Variants in CRIM1 observed in about 807,000 individuals in gnomAD.
CRIM1 encodes cysteine-rich motor neuron 1 protein.
A neutral mutation model predicts 116.4 loss-of-function variants in CRIM1; 32 were observed. That is an observed-to-expected ratio of 0.27 (90% CI 0.21 to 0.37). The LOEUF is 0.37. Among genes scored for constraint, CRIM1 ranks in the 10% least tolerant of loss-of-function variants. The pLI is 1.00. For synonymous variants in CRIM1, 590 were observed against 509.2 expected, an observed-to-expected ratio of 1.16 and a Z score of -2.13; for missense variants, 1,331 against 1,354.8, an observed-to-expected ratio of 0.98 and a Z score of 0.28.
intron 1 of CRIM1, among the ~76,000 whole-genome samples, chr2:36,394,335 C>T (rs1001632102): frequency 6.6e-6 from 1 of 152,136 alleles, no homozygotes; most frequent in South Asian, 2.1e-4. Flanking sequence ...AAAATTCCTT[C>T]ATGGCAAATC....
chr2:36,434,085 T>C lies in CRIM1; in HGVS notation c.506-7173T>C, dbSNP rs549099743. On this transcript the variant is annotated intron_variant, in intron 2 of 16. Coordinates refer to ENST00000280527, the MANE Select transcript of CRIM1 (RefSeq NM_016441.3). Reference sequence around the variant, plus strand: ...GCCAAAAAAGGTTATGATAAAATCATGGAATGTGTATGAAAAGAATTCACA... The same window carrying C: ...GCCAAAAAAGGTTATGATAAAATCACGGAATGTGTATGAAAAGAATTCACA... Among the ~76,000 whole-genome samples the C allele has an allele frequency of 2.6e-5, 4 of 152,350 alleles. No individual in the cohort carries two copies. In the East Asian group the frequency reaches 7.7e-4, roughly 29 times the overall value.
At chr2:36,375,520 T>G (rs1376771691) in intron 1 of CRIM1, among the ~76,000 whole-genome samples, 1 of 152,218 alleles carries the variant, frequency 6.6e-6, no homozygotes, top group Admixed American at 6.5e-5. Context: ...TAAGTGCTCT[T>G]TAGATTAGCA....
intron 13 of CRIM1, among the ~76,000 whole-genome samples, chr2:36,523,766 C>T (rs140352291): frequency 7.8e-4 from 119 of 152,294 alleles, no homozygotes; most frequent in Middle Eastern, 6.8e-3. Context: ...GATCTGGCTA[C>T]ACAGTTTTGT....
chr2:36,380,908 A>G (rs1419870859), intron 1 of CRIM1, among the ~76,000 whole-genome samples: 2 of 152,198 alleles, frequency 1.3e-5, no homozygotes, highest in East Asian at 1.9e-4. Context: ...TATCTCGACC[A>G]TGTCTGCAGT....
At chr2:36,379,036 C>T (rs1198456216) in intron 1 of CRIM1, 1 of 152,172 alleles carries the variant, frequency 6.6e-6, no homozygotes, top group Non-Finnish European at 1.5e-5. Flanking sequence ...GAGCTTTCAG[C>T]TAACATACAC....
chr2:36,381,517 AG>A (rs1246274364), intron 1 of CRIM1, among the ~76,000 whole-genome samples: 1 of 152,222 alleles, frequency 6.6e-6, no homozygotes, highest in Non-Finnish European at 1.5e-5. Context: ...CAATTGTAGT[AG>A]GAGAGGACAA....
At chr2:36,511,117 T>G (rs1298054551) in intron 9 of CRIM1, among the ~76,000 whole-genome samples, 1 of 152,068 alleles carries the variant, frequency 6.6e-6, no homozygotes, top group Non-Finnish European at 1.5e-5. Context: ...AATTTTTGTA[T>G]TTTTTGGAGA....
intron 7 of CRIM1, among the ~76,000 whole-genome samples, chr2:36,498,077 G>C (rs906110832): frequency 5.3e-5 from 8 of 152,150 alleles, no homozygotes; most frequent in African/African-American, 1.9e-4. Context: ...TCTATACTCA[G>C]CTCTTTCACA....
chr2:36,367,456 A>C (rs2148294370), intron 1 of CRIM1, among the ~76,000 whole-genome samples: 3 of 152,348 alleles, frequency 2.0e-5, no homozygotes, highest in East Asian at 3.9e-4. Flanking sequence ...CAGTGACTTA[A>C]ATAAAACCCT....
chr2:36,482,325 A>G (rs1679483146), intron 7 of CRIM1, among the ~76,000 whole-genome samples: 1 of 151,478 alleles, frequency 6.6e-6, no homozygotes, highest in East Asian at 1.9e-4. Context: ...TATTAATAAT[A>G]AGAACACAGA....
At chr2:36,359,361 T>C (rs1669068806) in intron 1 of CRIM1, among the ~76,000 whole-genome samples, 1 of 152,246 alleles carries the variant, frequency 6.6e-6, no homozygotes, top group Non-Finnish European at 1.5e-5. Context: ...TTATATTCTC[T>C]GTTTGCCAAC....
intron 12 of CRIM1, among the ~76,000 whole-genome samples, chr2:36,519,929 A>G (rs1297862711): frequency 6.6e-6 from 1 of 151,874 alleles, no homozygotes; most frequent in Non-Finnish European, 1.5e-5. Flanking sequence ...TAGAAAATAG[A>G]AAAAAGGAAA....
At chr2:36,410,989 TTC>T (rs1437563823) in intron 2 of CRIM1, among the ~76,000 whole-genome samples, 7 of 152,248 alleles carry the variant, frequency 4.6e-5, no homozygotes, top group Non-Finnish European at 1.0e-4. Context: ...AATTCTCATA[TTC>T]TCAGTCGTGT....
At chr2:36,370,772 G>C (rs1016271541) in intron 1 of CRIM1, among the ~76,000 whole-genome samples, 3 of 152,060 alleles carry the variant, frequency 2.0e-5, no homozygotes, top group African/African-American at 4.8e-5. Context: ...AGTTAAGAAG[G>C]AACAGTGAAC....
chr2:36,356,539 A>C lies in CRIM1; in HGVS notation c.247A>C (p.Thr83Pro), dbSNP rs1187728232. 1 of 1,612,682 alleles carries C rather than the reference A, an allele frequency of 6.2e-7. No homozygotes were observed. The highest frequency in any genetic ancestry group is 2.2e-5 in the East Asian group (1 of 44,820). ...CGGCGGCACCTTCGGGATTTACGGA[A>C]CCTGCGACCGGGGGCTGCGTTGTGT... ...SCGGTFGIYG[T>P]CDRGLRCVIR... The change falls in exon 1 of 17, where the codon ACC (threonine) becomes CCC (proline). Residue 83 changes from threonine (T) to proline (P), a missense_variant. This residue lies in a region of CRIM1 where 690 missense variants were observed against 676.0 expected (regional missense o/e 1.02). Coordinates refer to ENST00000280527, the MANE Select transcript of CRIM1 (RefSeq NM_016441.3). The surrounding 1 kb of genome is among the most constrained non-coding windows in gnomAD (Gnocchi z 4.3).
At chr2:36,395,603 G>A (rs1671964848) in intron 1 of CRIM1, among the ~76,000 whole-genome samples, 1 of 152,088 alleles carries the variant, frequency 6.6e-6, no homozygotes, top group African/African-American at 2.4e-5. Context: ...GCATTTTTTG[G>A]AGCTGAGTCC....
chr2:36,437,712 G>A (rs913381501), intron 2 of CRIM1, among the ~76,000 whole-genome samples: 1 of 152,116 alleles, frequency 6.6e-6, no homozygotes, highest in African/African-American at 2.4e-5. Context: ...CTGTGTCTTT[G>A]GTAGCCTACC....
rs1679018496 is a variant in CRIM1, at chr2:36,476,926, T to C, written c.1029T>C (p.Tyr343=). 6.2e-7 allele frequency: 1 copy of C among 1,613,942 alleles called. No individual in the cohort carries two copies. Among genetic ancestry groups the C allele is most frequent in the Non-Finnish European group, 8.5e-7 (1 of 1,179,980 alleles). ...CCTGCGTATTTAACAATGTGGAATATTATGATGGAGACATGTTTCGAATGG... is the reference window on the plus strand; with the variant it reads ...CCTGCGTATTTAACAATGTGGAATACTATGATGGAGACATGTTTCGAATGG... ...KPACVFNNVE[Y]YDGDMFRMDN... Residue 343 remains tyrosine (Y), a synonymous_variant, in exon 6 of 17, where the codon TAT becomes TAC. Coordinates refer to ENST00000280527, the MANE Select transcript of CRIM1 (RefSeq NM_016441.3).
chr2:36,367,931 A>G (rs528192656), intron 1 of CRIM1, among the ~76,000 whole-genome samples: 19 of 152,252 alleles, frequency 1.2e-4, no homozygotes, highest in Non-Finnish European at 2.2e-4. Context: ...TATTAAGACT[A>G]TGAGGTAGGT....
Sources: allele counts gnomAD v4.1 joint callset (sites outside exome capture counted in the v4.1 genomes callset), GRCh38; gene constraint gnomAD v4.1.1; regional missense constraint gnomAD v4.1.1; non-coding constraint Gnocchi (gnomAD v3.1); transcripts MANE v1.5; gene names NCBI Gene and HGNC (gene_info 2026-07-23, HGNC 2026-07-21).